The following WDR70 variants were observed in gnomAD, a reference collection of about 807,000 sequenced individuals.
WDR70 encodes the protein WD repeat domain 70.
A neutral mutation model predicts 88.6 loss-of-function variants in WDR70; 53 were observed. That is an observed-to-expected ratio of 0.60 (90% CI 0.48 to 0.75). The LOEUF is 0.75. Ranked by LOEUF, WDR70 falls within the 30% of genes least tolerant of loss-of-function variation. The pLI, the probability that WDR70 is intolerant of heterozygous loss-of-function variation, is 0.00. For synonymous variants in WDR70, 280 were observed against 270.0 expected (o/e 1.04, Z -0.36); for missense variants, 610 against 823.2 (o/e 0.74, Z 3.17).
chr5:37,409,025 G>A (rs1383847797), intron 5 of WDR70, among the ~76,000 whole-genome samples: 3 of 151,926 alleles, frequency 2.0e-5, no homozygotes, highest in African/African-American at 4.8e-5. Context: ...TGCAACCTCC[G>A]CCTCCTGGGT....
intron 7 of WDR70, among the ~76,000 whole-genome samples, chr5:37,473,887 G>A (rs1179302471): frequency 6.6e-6 from 1 of 152,010 alleles, no homozygotes; most frequent in African/African-American, 2.4e-5. Context: ...GATATAGTTT[G>A]CTGTTTCCAG....
At chr5:37,404,903 A>G (rs1329107062) in intron 5 of WDR70, among the ~76,000 whole-genome samples, 1 of 152,102 alleles carries the variant, frequency 6.6e-6, no homozygotes, top group Non-Finnish European at 1.5e-5. Flanking sequence ...TAATTATCAC[A>G]TTAGTACTTA....
intron 9 of WDR70, among the ~76,000 whole-genome samples, chr5:37,527,270 C>T (rs549237003): frequency 3.3e-5 from 5 of 152,036 alleles, no homozygotes; most frequent in African/African-American, 4.8e-5. Context: ...GCATGGTACT[C>T]GTACCAAAAC....
intron 9 of WDR70, among the ~76,000 whole-genome samples, chr5:37,551,165 C>G (rs963892092): frequency 6.6e-6 from 1 of 151,782 alleles, no homozygotes; most frequent in African/African-American, 2.4e-5. Flanking sequence ...ATTAGCCAGG[C>G]ATGGTGGCAC....
At chr5:37,415,838 G>A (rs11958610) in intron 5 of WDR70, among the ~76,000 whole-genome samples, 65,820 of 140,720 alleles carry the variant, frequency 0.47, 17,355 homozygotes, top group Non-Finnish European at 0.6. Context: ...AGACGGGGTC[G>A]CGGCCGGGCA....
chr5:37,479,886 G>A lies in WDR70; in HGVS notation c.739G>A (p.Val247Ile), dbSNP rs774647806. 1.5e-5 allele frequency: 24 copies of A among 1,613,966 alleles called. No homozygotes were observed. In the South Asian group the frequency reaches 2.0e-4, roughly 13 times the overall value. Residue 247 changes from valine to isoleucine, a missense_variant, in exon 8 of 18, where the codon GTA (valine) becomes ATA (isoleucine). Transcript: ENST00000265107. ...TAACACAGGAGACATGATTCTTGTT[G>A]TATCTGGAAGCTCTCAGGCCAAGGT... ...YSNTGDMILV[V>I]SGSSQAKVID...
intron 10 of WDR70, among the ~76,000 whole-genome samples, chr5:37,667,563 T>G (rs996902367): frequency 1.3e-5 from 2 of 152,172 alleles, no homozygotes; most frequent in Non-Finnish European, 2.9e-5. Context: ...CAGATAAAAG[T>G]GAGCTAATTG....
chr5:37,548,567 A>C (rs1742059033), intron 9 of WDR70, among the ~76,000 whole-genome samples: 1 of 152,078 alleles, frequency 6.6e-6, no homozygotes, highest in Non-Finnish European at 1.5e-5. Context: ...GGTAGTTTGC[A>C]AGTATTTTCT....
intron 10 of WDR70, among the ~76,000 whole-genome samples, chr5:37,690,626 G>C (rs1294381166): frequency 1.3e-5 from 2 of 152,142 alleles, no homozygotes; most frequent in African/African-American, 4.8e-5. Context: ...ATAAGCGGAG[G>C]AGAACTAAAA....
At chr5:37,665,176 T>G (rs1745801198) in intron 10 of WDR70, among the ~76,000 whole-genome samples, 1 of 152,230 alleles carries the variant, frequency 6.6e-6, no homozygotes, top group Non-Finnish European at 1.5e-5. Context: ...GGACTTCATA[T>G]ACAATGAAAA....
chr5:37,386,004 A>G (rs1474915003), intron 3 of WDR70, among the ~76,000 whole-genome samples: 4 of 149,876 alleles, frequency 2.7e-5, no homozygotes, highest in South Asian at 2.1e-4. Context: ...TAGTAGAGAC[A>G]GGGTTTCACC....
At chr5:37,493,104 C>G (rs1195631838) in intron 8 of WDR70, among the ~76,000 whole-genome samples, 1 of 152,298 alleles carries the variant, frequency 6.6e-6, no homozygotes, top group African/African-American at 2.4e-5. Flanking sequence ...TGGCTTTCAT[C>G]ATTACTTAAT....
intron 5 of WDR70, among the ~76,000 whole-genome samples, chr5:37,404,941 A>C (rs1360877127): frequency 1.3e-5 from 2 of 152,094 alleles, no homozygotes; most frequent in Non-Finnish European, 2.9e-5. Context: ...ATGTGTTGGG[A>C]TTACTGCTGG....
chr5:37,669,170 C>T (rs1203695008), intron 10 of WDR70, among the ~76,000 whole-genome samples: 1 of 152,110 alleles, frequency 6.6e-6, no homozygotes, highest in Non-Finnish European at 1.5e-5. Flanking sequence ...TTATATATCT[C>T]AGTGTTGTGT....
intron 7 of WDR70, among the ~76,000 whole-genome samples, chr5:37,448,634 AC>A (rs1271407691): frequency 6.6e-6 from 1 of 152,166 alleles, no homozygotes; most frequent in African/African-American, 2.4e-5. Context: ...CATACACTTC[AC>A]CCAGTTTTTC....
intron 9 of WDR70, among the ~76,000 whole-genome samples, chr5:37,599,062 C>A (rs1561917272): frequency 2.0e-5 from 3 of 152,172 alleles, no homozygotes; most frequent in Non-Finnish European, 2.9e-5. Context: ...CTTTAGAGAT[C>A]TTGGTTTAAT....
At chr5:37,708,116 T>C (rs2112672050) in intron 13 of WDR70, among the ~76,000 whole-genome samples, 1 of 150,112 alleles carries the variant, frequency 6.7e-6, no homozygotes. Flanking sequence ...TTTTAAATAG[T>C]AAAGAACAAG....
intron 7 of WDR70, among the ~76,000 whole-genome samples, chr5:37,475,389 C>T (rs13183544): frequency 0.85 from 129,824 of 151,848 alleles, 59,101 homozygotes; most frequent in East Asian, 1. Flanking sequence ...CATGCACCAC[C>T]ATGCCCAGCT....
chr5:37,541,625 G>C (rs1741818394), intron 9 of WDR70, among the ~76,000 whole-genome samples: 1 of 152,156 alleles, frequency 6.6e-6, no homozygotes, highest in Non-Finnish European at 1.5e-5. Flanking sequence ...TAGTGAGGCA[G>C]TGGCAGGCCC....
Sources: allele counts gnomAD v4.1 joint callset (sites outside exome capture counted in the v4.1 genomes callset), GRCh38; gene constraint gnomAD v4.1.1; transcripts MANE v1.5; gene names NCBI Gene and HGNC (gene_info 2026-07-23, HGNC 2026-07-21).